HIRA: variants seen among roughly 807,000 people sequenced by gnomAD.
The protein encoded by HIRA is protein HIRA.
A neutral mutation model predicts 126.6 loss-of-function variants in HIRA; 13 were observed. That is an observed-to-expected ratio of 0.10 (90% CI 0.07 to 0.16). HIRA has a LOEUF of 0.16. HIRA is among the 10% of genes least tolerant of loss of function. HIRA has a pLI of 1.00. For synonymous variants in HIRA, 511 were observed against 520.0 expected, an observed-to-expected ratio of 0.98 and a Z score of 0.24; for missense variants, 834 against 1,314.4, an observed-to-expected ratio of 0.63 and a Z score of 5.65.
intron 19 of HIRA, among the ~76,000 whole-genome samples, chr22:19,356,497 C>G (rs1200665852): frequency 6.6e-6 from 1 of 152,170 alleles, no homozygotes; most frequent in East Asian, 1.9e-4. Flanking sequence ...GCCCAGGCAA[C>G]AGAGCCATGG....
At chr22:19,374,898 T>A (rs1446277081) in intron 15 of HIRA, among the ~76,000 whole-genome samples, 1 of 152,188 alleles carries the variant, frequency 6.6e-6, no homozygotes, top group Non-Finnish European at 1.5e-5. Context: ...CCAGCCCACA[T>A]CTGCCTCTCC....
chr22:19,370,482 G>C (rs1193728712), intron 15 of HIRA, among the ~76,000 whole-genome samples: 1 of 152,040 alleles, frequency 6.6e-6, no homozygotes, highest in Non-Finnish European at 1.5e-5. Flanking sequence ...GGACTCAAGT[G>C]ATCCACCTGC....
chr22:19,401,185 C>T (rs1391752919), intron 5 of HIRA, among the ~76,000 whole-genome samples: 5 of 152,202 alleles, frequency 3.3e-5, no homozygotes, highest in African/African-American at 9.7e-5. Flanking sequence ...AGGCCCCCAG[C>T]ACCCTCCATG....
At chr22:19,368,330 C>T (rs1389241002) in intron 15 of HIRA, among the ~76,000 whole-genome samples, 1 of 152,170 alleles carries the variant, frequency 6.6e-6, no homozygotes, top group Non-Finnish European at 1.5e-5. Context: ...GTCTGTTCCC[C>T]TTTCTTCTAA....
intron 24 of HIRA, among the ~76,000 whole-genome samples, chr22:19,347,755 A>G (rs1255633894): frequency 6.6e-6 from 1 of 152,148 alleles, no homozygotes; most frequent in Non-Finnish European, 1.5e-5. Context: ...CCTGGTCAAC[A>G]TGGTGAAACC....
intron 24 of HIRA, among the ~76,000 whole-genome samples, chr22:19,347,650 G>C (rs1201920673): frequency 6.6e-6 from 1 of 152,106 alleles, no homozygotes; most frequent in Non-Finnish European, 1.5e-5. Context: ...CCAAACTTGA[G>C]GGCCTGGGTT....
intron 1 of HIRA, among the ~76,000 whole-genome samples, chr22:19,429,133 CTTTTTTTT>C (rs57853722): frequency 9.1e-5 from 7 of 77,278 alleles, no homozygotes; most frequent in East Asian, 4.4e-4. Flanking sequence ...GTTGCCATAT[CTTTTTTTT>C]TTTTTTTTTT....
intron 1 of HIRA, among the ~76,000 whole-genome samples, chr22:19,414,116 C>G (rs2089376069): frequency 6.6e-6 from 1 of 152,098 alleles, no homozygotes; most frequent in South Asian, 2.1e-4. Flanking sequence ...CTAGAGACAC[C>G]AAGCAATCAC....
intron 1 of HIRA, among the ~76,000 whole-genome samples, chr22:19,417,128 G>A (rs893994525): frequency 2.1e-4 from 32 of 151,550 alleles, no homozygotes; most frequent in Non-Finnish European, 7.4e-5. Context: ...TGAACCCAGG[G>A]GGCAGAGGTT....
At chr22:19,383,545 G>C (rs2089096470) in intron 13 of HIRA, 75 bp downstream of exon 13, 2 of 1,206,728 alleles carry the variant, frequency 1.7e-6, no homozygotes, top group Non-Finnish European at 2.4e-6. Flanking sequence ...GATCCTCACT[G>C]TGAAAGTGTT....
At chr22:19,408,654 T>C (rs946521584) in intron 2 of HIRA, 61 bp from the exon 3 acceptor site, 5 of 911,952 alleles carry the variant, frequency 5.5e-6, no homozygotes, top group South Asian at 2.7e-5. Context: ...TATTAATATT[T>C]AATGTCAAAT....
intron 1 of HIRA, among the ~76,000 whole-genome samples, chr22:19,416,248 A>G (rs993938986): frequency 6.6e-6 from 1 of 152,218 alleles, no homozygotes; most frequent in South Asian, 2.1e-4. Context: ...ACCTGCATAT[A>G]TATCTTAGAA....
Position 19,351,525 on chromosome 22 carries a change from T to C in HIRA, c.2849-79A>G. ...GAACACATTACAAAAAGAAATAAAA[T>C]CAAGAATATGTTGTTGTGTCTATCA... On this transcript the variant is annotated intron_variant, in intron 23 of 24. Transcript: ENST00000263208. The surrounding 1 kb of genome is among the most constrained non-coding windows in gnomAD (Gnocchi z 4.8). 2 of 1,102,034 alleles carry C rather than the reference T, an allele frequency of 1.8e-6. No individual in the cohort carries two copies. Among genetic ancestry groups the C allele is most frequent in the Admixed American group, 3.8e-5 (2 of 52,318 alleles). The allele number at this position is 1,102,034 out of a possible 1,614,324, so 68.3% of individuals were successfully genotyped here.
chr22:19,416,134 G>A (rs150402700), intron 1 of HIRA, among the ~76,000 whole-genome samples: 1 of 152,292 alleles, frequency 6.6e-6, no homozygotes, highest in Non-Finnish European at 1.5e-5. Context: ...AATGGGGAAA[G>A]AACAGTCTCT....
intron 9 of HIRA, among the ~76,000 whole-genome samples, chr22:19,391,731 C>T (rs1451390599): frequency 5.9e-5 from 9 of 152,138 alleles, no homozygotes; most frequent in African/African-American, 9.7e-5. Flanking sequence ...CCGCCCACCT[C>T]GGCCTCCTAA....
chr22:19,363,857 T>C (rs535370954), intron 15 of HIRA, among the ~76,000 whole-genome samples: 1 of 152,176 alleles, frequency 6.6e-6, no homozygotes, highest in East Asian at 1.9e-4. Flanking sequence ...GAGATGCGAC[T>C]GTGCCACCGC....
chr22:19,408,119 A>G (rs2089322304), intron 3 of HIRA, among the ~76,000 whole-genome samples: 1 of 152,234 alleles, frequency 6.6e-6, no homozygotes, highest in African/African-American at 2.4e-5. Context: ...GTCCTGGCAG[A>G]GAGCCTCAGA....
At chr22:19,340,562 A>G (rs1321671516) in intron 24 of HIRA, among the ~76,000 whole-genome samples, 3 of 152,186 alleles carry the variant, frequency 2.0e-5, no homozygotes, top group African/African-American at 7.2e-5. Flanking sequence ...AAATATGTAA[A>G]GGGGAAGTCA....
At chr22:19,349,127 A>G (rs2088726044) in intron 24 of HIRA, among the ~76,000 whole-genome samples, 1 of 149,046 alleles carries the variant, frequency 6.7e-6, no homozygotes, top group African/African-American at 2.5e-5. Flanking sequence ...TTTTCTTGAG[A>G]CGGAGTTTTG....
Sources: allele counts gnomAD v4.1 joint callset (sites outside exome capture counted in the v4.1 genomes callset), GRCh38; gene constraint gnomAD v4.1.1; non-coding constraint Gnocchi (gnomAD v3.1); transcripts MANE v1.5; gene names NCBI Gene and HGNC (gene_info 2026-07-23, HGNC 2026-07-21).